The following GPRC5A variants were observed in gnomAD, a reference collection of about 807,000 sequenced individuals.
GPRC5A encodes the protein G protein-coupled receptor class C group 5 member A, also known as retinoic acid-induced protein 3.
In GPRC5A, 19 loss-of-function variants were observed where a neutral mutation model predicts 22.5. That is an observed-to-expected ratio of 0.85 (90% CI 0.59 to 1.24). The LOEUF is 1.24. Among genes scored for constraint, GPRC5A ranks in the 50% most tolerant of loss-of-function variants. The probability of loss-of-function intolerance (pLI) is 0.00; values close to 1 mark genes in which losing one functional copy is unlikely to be tolerated. For synonymous variants in GPRC5A, 192 were observed against 184.5 expected, an observed-to-expected ratio of 1.04 and a Z score of -0.33; for missense variants, 471 against 451.1, an observed-to-expected ratio of 1.04 and a Z score of -0.40.
intron 1 of GPRC5A, among the ~76,000 whole-genome samples, chr12:12,899,700 T>C (rs1863862266): frequency 6.6e-6 from 1 of 152,228 alleles, no homozygotes; most frequent in African/African-American, 2.4e-5. Context: ...GTAGCTGTCA[T>C]TATTCTTACT....
At position 12,898,464 on chromosome 12, in the gene GPRC5A, G is replaced by A. The variant is rs1043566632; in HGVS notation, c.-8+6800G>A. ...GAGGATCACCTGAGCCCAGGAAGTC[G>A]AAGCTGCCGTGAGCTGTGATTGTGC... On this transcript the variant is annotated intron_variant, in intron 1 of 3. Transcript: ENST00000014914. Among the ~76,000 whole-genome samples, 3 of 152,044 alleles carry A rather than the reference G, an allele frequency of 2.0e-5. 1 individual carries two copies. Among genetic ancestry groups the A allele is most frequent in the Non-Finnish European group, 4.4e-5 (3 of 68,018 alleles).
At chr12:12,909,530 T>G (rs890418890) in intron 2 of GPRC5A, 2 of 188,368 alleles carry the variant, frequency 1.1e-5, no homozygotes, top group African/African-American at 4.7e-5. Flanking sequence ...CGAGACAAAT[T>G]CCCAGCAATA....
chr12:12,907,873 T>C (rs1863959202), intron 1 of GPRC5A, among the ~76,000 whole-genome samples: 1 of 152,210 alleles, frequency 6.6e-6, no homozygotes, highest in Non-Finnish European at 1.5e-5. Flanking sequence ...ATGATCCTCC[T>C]GCTTCAGACT....
Position 12,908,470 on chromosome 12 carries a change from G to A in GPRC5A, c.221G>A (p.Gly74Asp). ...CCTACTCAGTTTCTCTTCCTCCTGG[G>A]TGTGTTGGGCATCTTTGGCCTCACC... ...MLPTQFLFLL[G>D]VLGIFGLTFA... Residue 74 changes from glycine to aspartate, a missense_variant, in exon 2 of 4, where the codon GGT becomes GAT. Physicochemically the swap from Gly to Asp is moderately conservative, Grantham distance 94. Coordinates refer to ENST00000014914, the MANE Select transcript of GPRC5A (RefSeq NM_003979.4). The A allele has an allele frequency of 6.2e-7, 1 of 1,614,100 alleles. No homozygotes were observed.
At chr12:12,911,595 TCTC>T (rs1409648912) in intron 2 of GPRC5A, among the ~76,000 whole-genome samples, 1 of 151,902 alleles carries the variant, frequency 6.6e-6, no homozygotes, top group African/African-American at 2.4e-5. Context: ...TTCACACCAT[TCTC>T]CTGCCTCAGC....
intron 1 of GPRC5A, among the ~76,000 whole-genome samples, chr12:12,893,306 T>G (rs1359572366): frequency 6.6e-6 from 1 of 152,158 alleles, no homozygotes; most frequent in Non-Finnish European, 1.5e-5. Context: ...TGTATTCTAG[T>G]CTTGAATGGT....
chr12:12,911,142 A>AT (rs1202719641), intron 2 of GPRC5A, among the ~76,000 whole-genome samples: 1 of 152,130 alleles, frequency 6.6e-6, no homozygotes, highest in Non-Finnish European at 1.5e-5. Context: ...AAGTGCTGGG[A>AT]TTACAGGCAT....
rs746371977 is a variant in GPRC5A at position 12,901,015 on chromosome 12, GCAA to G, written c.-7-7224_-7-7222del. On this transcript the variant is annotated intron_variant, in intron 1 of 3. Transcript: ENST00000014914. The stretch of plus-strand genomic sequence containing the variant: ...ATTCATTCCAAAAAGGTTTAAGACA[GCAA>G]CAAGTGATTCCAGGATCTCAGCTGT... Among the ~76,000 whole-genome samples, 47 of 151,042 alleles carry G rather than the reference GCAA, an allele frequency of 3.1e-4. 1 individual carries two copies. Among genetic ancestry groups the G allele is most frequent in the Non-Finnish European group, 5.9e-4 (40 of 67,922 alleles).
chr12:12,910,008 G>A (rs538404737), intron 2 of GPRC5A: 1 of 149,392 alleles, frequency 6.7e-6, no homozygotes, highest in African/African-American at 2.5e-5. Context: ...CAAGCCAGAT[G>A]TTCTCGTGTT....
chr12:12,912,386 G>C, intron 3 of GPRC5A, 61 bp from the exon 4 acceptor site: 1 of 1,096,096 alleles, frequency 9.1e-7, no homozygotes, highest in Non-Finnish European at 1.4e-6. Flanking sequence ...GCCCAGACTG[G>C]AGACCTGTTG....
Position 12,912,159 on chromosome 12 carries a change from TC to T in GPRC5A, c.981+20del. On this transcript the variant is annotated intron_variant, in intron 3 of 3. Coordinates refer to ENST00000014914, the MANE Select transcript of GPRC5A (RefSeq NM_003979.4). ...CAGCTGCAGGTAAGTGATTTTTTTC[TC>T]CCTCTTCATCAAAGGCATTAGCACC... The T allele has an allele frequency of 1.3e-6, 2 of 1,569,882 alleles. No homozygotes were observed. The highest frequency in any genetic ancestry group is 2.2e-5 in the East Asian group (1 of 44,658).
chr12:12,905,303 T>C (rs1863929795), intron 1 of GPRC5A, among the ~76,000 whole-genome samples: 1 of 152,222 alleles, frequency 6.6e-6, no homozygotes, highest in South Asian at 2.1e-4. Context: ...GATTTCTTGC[T>C]GCATCATCTC....
intron 2 of GPRC5A, among the ~76,000 whole-genome samples, chr12:12,911,061 C>T (rs1009440379): frequency 1.3e-5 from 2 of 151,918 alleles, no homozygotes; most frequent in African/African-American, 4.8e-5. Flanking sequence ...TTAGTAGAGA[C>T]GGGGTTTCAC....
chr12:12,901,627 G>A (rs544973675), intron 1 of GPRC5A, among the ~76,000 whole-genome samples: 2 of 152,208 alleles, frequency 1.3e-5, no homozygotes, highest in South Asian at 2.1e-4. Context: ...CTCAGTCTCC[G>A]CCTGCACAGA....
At chr12:12,894,969 A>G (rs1433150124) in intron 1 of GPRC5A, among the ~76,000 whole-genome samples, 1 of 151,464 alleles carries the variant, frequency 6.6e-6, no homozygotes, top group East Asian at 1.9e-4. Context: ...TAGCAGAGAC[A>G]GGGTTTCACC....
At chr12:12,895,988 G>C (rs1295584509) in intron 1 of GPRC5A, among the ~76,000 whole-genome samples, 3 of 60,162 alleles carry the variant, frequency 5.0e-5, no homozygotes, top group Non-Finnish European at 8.7e-5. Flanking sequence ...GTGAGACTCT[G>C]TCTCACAAAA....
Position 12,908,848 on chromosome 12 carries a change from G to A in GPRC5A, c.599G>A (p.Cys200Tyr), listed in dbSNP as rs1863973535. Residue 200 changes from cysteine (C) to tyrosine (Y), a missense_variant, in exon 2 of 4, where the codon TGT becomes TAT. Coordinates refer to ENST00000014914, the MANE Select transcript of GPRC5A (RefSeq NM_003979.4). ...TTCCTCATGTCCTCCTTCACCTTCTGTGGTTCCTTCACGGGCTGGAAGAGA... is the reference window on the plus strand; with the variant it reads ...TTCCTCATGTCCTCCTTCACCTTCTATGGTTCCTTCACGGGCTGGAAGAGA... Reference protein sequence around the residue: ...LTFLMSSFTFCGSFTGWKRHG... With the variant: ...LTFLMSSFTFYGSFTGWKRHG... The A allele has an allele frequency of 1.2e-6, 2 of 1,614,104 alleles. No homozygotes were observed. Among genetic ancestry groups the A allele is most frequent in the Non-Finnish European group, 1.7e-6 (2 of 1,180,002 alleles).
At chr12:12,892,348 A>G (rs149908693) in intron 1 of GPRC5A, among the ~76,000 whole-genome samples, 208 of 152,232 alleles carry the variant, frequency 1.4e-3, no homozygotes, top group African/African-American at 4.7e-3. Context: ...TTAAACATCC[A>G]TGGGGAAGGC....
chr12:12,913,486 T>C lies in GPRC5A; in HGVS notation c.*947T>C, dbSNP rs936255134. 1 of 152,266 alleles carries C rather than the reference T, an allele frequency of 6.6e-6. No homozygotes were observed. Among genetic ancestry groups the C allele is most frequent in the African/African-American group, 2.4e-5 (1 of 41,468 alleles). The allele number at this position is 152,266 out of a possible 1,614,324, so 9.4% of individuals were successfully genotyped here. On this transcript the variant is annotated 3_prime_UTR_variant, in exon 4 of 4. Coordinates refer to ENST00000014914, the MANE Select transcript of GPRC5A (RefSeq NM_003979.4). ...TCTCACTTCAAATTCCTGGGGCTGATACTTCTCTCATCTTGCACCCCAACC... is the reference window on the plus strand; with the variant it reads ...TCTCACTTCAAATTCCTGGGGCTGACACTTCTCTCATCTTGCACCCCAACC...
Sources: allele counts gnomAD v4.1 joint callset (sites outside exome capture counted in the v4.1 genomes callset), GRCh38; gene constraint gnomAD v4.1.1; transcripts MANE v1.5; gene names NCBI Gene and HGNC (gene_info 2026-07-23, HGNC 2026-07-21).